ERVK3-1: variants seen among roughly 807,000 people sequenced by gnomAD.
ERVK3-1 encodes endogenous retrovirus group K3 member 1.
chr19:58,312,579 G>T lies in ERVK3-1; in HGVS notation c.294+117G>T, dbSNP rs891289168. 1 of 398,458 alleles carries T rather than the reference G, an allele frequency of 2.5e-6. No individual in the cohort carries two copies. The highest frequency in any genetic ancestry group is 4.4e-6 in the Non-Finnish European group (1 of 225,864). The allele number at this position is 398,458 out of a possible 1,614,324, so 24.7% of individuals were successfully genotyped here. A position where few individuals can be genotyped will look rare whatever the true frequency, so the allele number is the denominator to read the frequency against. ...CTGAGATATATTATGATCAGGGAGC[G>T]TGGGCACCAGGACCCCTAACTCCGT... is the stretch of plus-strand genomic sequence containing the variant. On this transcript the variant is annotated intron_variant, in intron 3 of 3. Coordinates refer to ENST00000413518, the Ensembl canonical transcript of ERVK3-1. The surrounding 1 kb of genome is among the most constrained non-coding windows in gnomAD (Gnocchi z 4.7).
chr19:58,313,717 A>G lies in ERVK3-1; in HGVS notation c.295-1031A>G, dbSNP rs529012388. On this transcript the variant is annotated intron_variant, in intron 3 of 3. Transcript: ENST00000413518. This position sits in a 1 kb window ranked among gnomAD's most constrained non-coding sequence, Gnocchi z 4.5. Reference sequence around the variant, plus strand: ...GCCTCAATCATAGCACAATACAAACACACAACATATCCACTCTAATAATTC... The same window carrying G: ...GCCTCAATCATAGCACAATACAAACGCACAACATATCCACTCTAATAATTC... Among the ~76,000 whole-genome samples the G allele has an allele frequency of 6.6e-6, 1 of 152,320 alleles. No homozygotes were observed. The highest frequency in any genetic ancestry group is 2.1e-4 in the South Asian group (1 of 4,828).
At chr19:58,305,968 G>C (rs751078255) in intron 1 of ERVK3-1, 120 bp from the exon 2 acceptor site, 10 of 152,154 alleles carry the variant, frequency 6.6e-5, no homozygotes, top group Admixed American at 4.6e-4. Context: ...CAAATATGAA[G>C]GGCTGTAAAA....
Position 58,312,921 on chromosome 19 carries a change from T to C in ERVK3-1, c.294+459T>C, listed in dbSNP as rs1439222092. 6.5e-6 allele frequency: 1 copy of C among 152,738 alleles called. No homozygotes were observed. The highest frequency in any genetic ancestry group is 1.9e-4 in the East Asian group (1 of 5,204). 9.5% of individuals were successfully genotyped at this position (152,738 alleles called of 1,614,324 possible). On this transcript the variant is annotated intron_variant, in intron 3 of 3. Transcript: ENST00000413518. The surrounding 1 kb of genome is among the most constrained non-coding windows in gnomAD (Gnocchi z 4.7). ...CAACAGTCTATGTTAATGGGAAACA[T>C]TGACTGGGGTCCCCGTGGCCATTTA...
chr19:58,314,937 G>A (rs1028146001), exon 4 of ERVK3-1: 18 of 393,108 alleles, frequency 4.6e-5, no homozygotes, highest in Non-Finnish European at 7.6e-5. Context: ...GCAGGATGTT[G>A]GCGAACTGAC....
At position 58,312,318 on chromosome 19, in the gene ERVK3-1, C is replaced by T. The variant is rs966706972; in HGVS notation, c.150C>T (p.Thr50=). 6 of 400,116 alleles carry T rather than the reference C, an allele frequency of 1.5e-5. No individual in the cohort carries two copies. Among genetic ancestry groups the T allele is most frequent in the East Asian group, 3.6e-5 (1 of 28,076 alleles). 24.8% of individuals were successfully genotyped at this position (400,116 alleles called of 1,614,324 possible). ...ATGCAAAGACAGAACAAGGGCCGAC[C>T]GGAGTCACAATGACATCCAACCCCA... is the stretch of plus-strand genomic sequence containing the variant. Residue 50 remains threonine (T), a synonymous_variant, in exon 3 of 4, where the codon ACC becomes ACT. Coordinates refer to ENST00000413518, the Ensembl canonical transcript of ERVK3-1. This position sits in a 1 kb window ranked among gnomAD's most constrained non-coding sequence, Gnocchi z 4.7.
chr19:58,315,447 T>TA (rs1467903765), exon 4 of ERVK3-1: 2 of 152,238 alleles, frequency 1.3e-5, no homozygotes, highest in Non-Finnish European at 2.9e-5. Context: ...AGTCATACAA[T>TA]ATGTGGTTTC....
chr19:58,306,247 G>A (rs910119323), intron 2 of ERVK3-1, 31 bp downstream of exon 2: 1 of 152,216 alleles, frequency 6.6e-6, no homozygotes, highest in East Asian at 1.9e-4. Flanking sequence ...TCGGGAGCGG[G>A]AGGTTTCTGA....
At chr19:58,307,784 A>G (rs1367493439) in intron 2 of ERVK3-1, among the ~76,000 whole-genome samples, 3 of 152,192 alleles carry the variant, frequency 2.0e-5, no homozygotes, top group African/African-American at 7.2e-5. Context: ...TCAAACAATG[A>G]GGGCATTCCC....
At chr19:58,314,474 A>C (rs1354284385) in intron 3 of ERVK3-1, among the ~76,000 whole-genome samples, 1 of 151,970 alleles carries the variant, frequency 6.6e-6, no homozygotes, top group African/African-American at 2.4e-5. Context: ...AAAATACAAA[A>C]AAATTAGCTG....
rs1349762515 is a variant in ERVK3-1, at chr19:58,313,380, G to A, written c.294+918G>A. 6.6e-5 allele frequency among the ~76,000 whole-genome samples: 10 copies of A among 152,104 alleles called. No individual in the cohort carries two copies. The highest frequency in any genetic ancestry group is 1.9e-4 in the African/African-American group (8 of 41,420). Reference sequence around the variant, plus strand: ...CGGGTCACTGCAACCTTTGCCTCCCGGGTTCAAGCAATTGTCTGCCTCAGC... The same window carrying A: ...CGGGTCACTGCAACCTTTGCCTCCCAGGTTCAAGCAATTGTCTGCCTCAGC... On this transcript the variant is annotated intron_variant, in intron 3 of 3. Transcript: ENST00000413518. The surrounding 1 kb of genome is among the most constrained non-coding windows in gnomAD (Gnocchi z 4.5).
rs1387387860 is a variant in ERVK3-1 at position 58,312,415 on chromosome 19, AC to A, written c.251del (p.Pro84LeufsTer9). On this transcript the variant is annotated frameshift_variant, in exon 3 of 4. Coordinates refer to ENST00000413518, the Ensembl canonical transcript of ERVK3-1. LOFTEE classifies it high-confidence loss of function. This position sits in a 1 kb window ranked among gnomAD's most constrained non-coding sequence, Gnocchi z 4.7. The stretch of plus-strand genomic sequence containing the variant: ...ACTGGAGCGCCAGGGTCAGGCAAAA[AC>A]CCCTGACTCCATGTTCTTGGCCATG... 6 of 398,890 alleles carry A rather than the reference AC, an allele frequency of 1.5e-5. No homozygotes were observed. The highest frequency in any genetic ancestry group is 2.7e-5 in the Non-Finnish European group (6 of 225,826). 24.7% of individuals were successfully genotyped at this position (398,890 alleles called of 1,614,324 possible).
At chr19:58,306,698 C>A (rs557697013) in intron 2 of ERVK3-1, 3 of 152,134 alleles carry the variant, frequency 2.0e-5, no homozygotes, top group Non-Finnish European at 2.9e-5. Flanking sequence ...GAAATAGAGA[C>A]CCCAGTACAA....
chr19:58,314,655 C>CAAA, intron 3 of ERVK3-1, 93 bp from the exon 4 acceptor site: 1 of 269,912 alleles, frequency 3.7e-6, no homozygotes. Context: ...AAAAAAGCCT[C>CAAA]AACCCTTGGA....
downstream of ERVK3-1, among the ~76,000 whole-genome samples, chr19:58,316,563 C>T (rs1444410033): frequency 6.6e-6 from 1 of 151,978 alleles, no homozygotes; most frequent in South Asian, 2.1e-4. Context: ...CCCAGCTACT[C>T]GGGAGGCTGA....
At position 58,310,298 on chromosome 19, in the gene ERVK3-1, G is replaced by A. The variant is rs11879274; in HGVS notation, c.-3-1868G>A. 35,514 of 154,046 alleles carry A rather than the reference G, an allele frequency of 0.23. 4,771 individuals are homozygous for A. The highest frequency in any genetic ancestry group is 0.33 in the South Asian group (1,760 of 5,258). 9.5% of individuals were successfully genotyped at this position (154,046 alleles called of 1,614,324 possible). On this transcript the variant is annotated intron_variant, in intron 2 of 3. Coordinates refer to ENST00000413518, the Ensembl canonical transcript of ERVK3-1. The surrounding 1 kb of genome is among the most constrained non-coding windows in gnomAD (Gnocchi z 4.7). ...ACAGGGTCGGTGGGTCTCTCCCTGT[G>A]TGCGGCGACGAGAGAGTGTAGAAAT... is the stretch of plus-strand genomic sequence containing the variant.
intron 2 of ERVK3-1, chr19:58,311,915 G>A (rs1345219774): frequency 3.3e-6 from 1 of 306,852 alleles, no homozygotes; most frequent in Non-Finnish European, 5.9e-6. Context: ...TACAACGCAT[G>A]CTGAAAAAAC....
In ERVK3-1 at chr19:58,313,829, C is replaced by A. The variant is rs755376684; in HGVS notation, c.295-919C>A. 2.0e-5 allele frequency among the ~76,000 whole-genome samples: 3 copies of A among 152,206 alleles called. No homozygotes were observed. Among genetic ancestry groups the A allele is most frequent in the Non-Finnish European group, 4.4e-5 (3 of 68,020 alleles). On this transcript the variant is annotated intron_variant, in intron 3 of 3. Coordinates refer to ENST00000413518, the Ensembl canonical transcript of ERVK3-1. The surrounding 1 kb of genome is among the most constrained non-coding windows in gnomAD (Gnocchi z 4.5). The stretch of plus-strand genomic sequence containing the variant: ...TGCTTTACATTTTGTAAAACTCCTT[C>A]TTACCCAGCTCACTCATCGTGCACG...
chr19:58,314,672 T>C, intron 3 of ERVK3-1, 76 bp from the exon 4 acceptor site: 1 of 338,630 alleles, frequency 3.0e-6, no homozygotes, highest in Non-Finnish European at 5.3e-6. Context: ...TGGACCTACC[T>C]TAAACATAAC....
exon 4 of ERVK3-1, chr19:58,315,042 G>A (rs1600473937): frequency 1.1e-5 from 4 of 356,648 alleles, no homozygotes; most frequent in East Asian, 8.2e-5. Context: ...AGAACCTGTT[G>A]AACAAAGAAA....
Sources: allele counts gnomAD v4.1 joint callset (sites outside exome capture counted in the v4.1 genomes callset), GRCh38; gene constraint gnomAD v4.1.1; non-coding constraint Gnocchi (gnomAD v3.1); transcripts MANE v1.5; gene names NCBI Gene and HGNC (gene_info 2026-07-23, HGNC 2026-07-21).